CMIP: variants seen among roughly 807,000 people sequenced by gnomAD.
CMIP encodes the protein c-Maf inducing protein.
CMIP carries 13 observed loss-of-function variants against 97.3 expected under a neutral mutation model. The ratio of observed to expected loss-of-function variants is 0.13; its 90% CI spans 0.09 to 0.21. The LOEUF is 0.21. Ranked by LOEUF, CMIP falls within the 10% of genes least tolerant of loss-of-function variation. CMIP has a pLI of 1.00. For missense variants in CMIP, 847 were observed against 1,024.9 expected (o/e 0.83, Z 2.37); for synonymous variants, 538 against 436.3 (o/e 1.23, Z -2.91).
chr16:81,687,244 G>C (rs1905505802), intron 10 of CMIP, among the ~76,000 whole-genome samples: 1 of 152,194 alleles, frequency 6.6e-6, no homozygotes, highest in East Asian at 1.9e-4. Context: ...GCCCAGCATG[G>C]GGGATGCAGA....
chr16:81,548,648 C>T (rs1175335199), intron 1 of CMIP, among the ~76,000 whole-genome samples: 1 of 150,442 alleles, frequency 6.6e-6, no homozygotes, highest in African/African-American at 2.5e-5. Context: ...GGAGACCAGC[C>T]TCAGCAACAT....
chr16:81,659,141 C>G (rs1210464507), intron 5 of CMIP, among the ~76,000 whole-genome samples: 1 of 152,220 alleles, frequency 6.6e-6, no homozygotes, highest in African/African-American at 2.4e-5. Context: ...CTGGGCACCC[C>G]CAATCACTCA....
intron 1 of CMIP, among the ~76,000 whole-genome samples, chr16:81,476,938 C>A (rs781336581): frequency 1.3e-5 from 2 of 152,080 alleles, no homozygotes; most frequent in Non-Finnish European, 2.9e-5. Flanking sequence ...AATGAAAAGA[C>A]CCCAGCCCCA....
intron 1 of CMIP, among the ~76,000 whole-genome samples, chr16:81,600,053 G>A (rs562506402): frequency 6.6e-6 from 1 of 151,992 alleles, no homozygotes; most frequent in African/African-American, 2.4e-5. Context: ...GGCAGAGGTG[G>A]GTGGATCACA....
chr16:81,615,209 CTA>C (rs917755650), intron 2 of CMIP, among the ~76,000 whole-genome samples: 62 of 103,162 alleles, frequency 6.0e-4, no homozygotes, highest in African/African-American at 2.2e-3. Context: ...GCATGTGTAA[CTA>C]TGGTGTGTAT....
At chr16:81,477,307 A>G (rs1907986119) in intron 1 of CMIP, among the ~76,000 whole-genome samples, 1 of 151,944 alleles carries the variant, frequency 6.6e-6, no homozygotes, top group Non-Finnish European at 1.5e-5. Flanking sequence ...AGCTTACACC[A>G]CCACACCCAC....
intron 2 of CMIP, among the ~76,000 whole-genome samples, chr16:81,609,370 C>T (rs892515201): frequency 3.3e-5 from 5 of 152,206 alleles, no homozygotes; most frequent in Admixed American, 6.5e-5. Flanking sequence ...CAGTGCCAGC[C>T]CCCCTCGGCG....
At chr16:81,495,611 C>T (rs2089476141) in intron 1 of CMIP, 6 of 1,078,952 alleles carry the variant, frequency 5.6e-6, no homozygotes, top group Non-Finnish European at 8.2e-6. Flanking sequence ...AGAGGGTGGG[C>T]AGGTGTGTCT....
At chr16:81,466,682 A>T (rs1036842779) in intron 1 of CMIP, among the ~76,000 whole-genome samples, 1 of 152,210 alleles carries the variant, frequency 6.6e-6, no homozygotes, top group African/African-American at 2.4e-5. Flanking sequence ...AATGCCATCC[A>T]ATTGATTGGT....
chr16:81,499,831 G>A (rs1291092000), intron 1 of CMIP, among the ~76,000 whole-genome samples: 1 of 152,252 alleles, frequency 6.6e-6, no homozygotes, highest in African/African-American at 2.4e-5. Context: ...CGCAGTTGTT[G>A]CCTGTGGCAT....
At chr16:81,637,124 G>C (rs2092247318) in intron 3 of CMIP, among the ~76,000 whole-genome samples, 1 of 152,140 alleles carries the variant, frequency 6.6e-6, no homozygotes, top group Admixed American at 6.5e-5. Context: ...ATGCTGGAGT[G>C]CAGTGGCACA....
At position 81,645,499 on chromosome 16, in the gene CMIP, C is replaced by G. The variant is rs973978929; in HGVS notation, c.478-6704C>G. The G allele has an allele frequency of 3.3e-6, 5 of 1,535,522 alleles. No homozygotes were observed. In the South Asian group the frequency reaches 6.0e-5, roughly 18 times the overall value. ...ACATTCCTGCTGACGACTTGTCTCCCGTGGAGGAGCAACAGGCTCTGCTTT... is the reference window on the plus strand; with the variant it reads ...ACATTCCTGCTGACGACTTGTCTCCGGTGGAGGAGCAACAGGCTCTGCTTT... On this transcript the variant is annotated intron_variant, in intron 3 of 20. Transcript: ENST00000537098.
Position 81,691,760 on chromosome 16 carries a change from C to A in CMIP, c.1389-15C>A. On this transcript the variant is annotated splice_polypyrimidine_tract_variant and intron_variant, in intron 10 of 20. Coordinates refer to ENST00000537098, the MANE Select transcript of CMIP (RefSeq NM_198390.3). ...TGTCCCAACCAAAGCTGACTGTCACCCTCTCTCATTCTAGGTCAGACTATG... is the reference window on the plus strand; with the variant it reads ...TGTCCCAACCAAAGCTGACTGTCACACTCTCTCATTCTAGGTCAGACTATG... The A allele has an allele frequency of 1.2e-6, 2 of 1,612,398 alleles. No homozygotes were observed. The highest frequency in any genetic ancestry group is 1.7e-6 in the Non-Finnish European group (2 of 1,178,664).
intron 3 of CMIP, among the ~76,000 whole-genome samples, chr16:81,647,162 G>A (rs940519527): frequency 6.6e-6 from 1 of 152,218 alleles, no homozygotes; most frequent in Non-Finnish European, 1.5e-5. Context: ...GTAGGACGAA[G>A]TCGTATCTCT....
chr16:81,523,842 C>G (rs1255721028), intron 1 of CMIP, among the ~76,000 whole-genome samples: 1 of 152,228 alleles, frequency 6.6e-6, no homozygotes, highest in Non-Finnish European at 1.5e-5. Flanking sequence ...AGCTAGGAGC[C>G]TGGATGTAAC....
At chr16:81,483,528 G>A (rs1003312073) in intron 1 of CMIP, among the ~76,000 whole-genome samples, 1 of 152,072 alleles carries the variant, frequency 6.6e-6, no homozygotes, top group Admixed American at 6.5e-5. Context: ...TCTGAAGACC[G>A]AAGTGCCTCC....
chr16:81,705,681 G>A, intron 19 of CMIP, 77 bp downstream of exon 19: 1 of 947,874 alleles, frequency 1.1e-6, no homozygotes, highest in Non-Finnish European at 1.6e-6. Flanking sequence ...AACTGGCCAA[G>A]CACTGACTTT....
At chr16:81,578,451 A>T (rs2091239528) in intron 1 of CMIP, among the ~76,000 whole-genome samples, 1 of 152,188 alleles carries the variant, frequency 6.6e-6, no homozygotes, top group Non-Finnish European at 1.5e-5. Context: ...TTTGAATTGT[A>T]TACCTGAGCA....
chr16:81,586,158 C>T (rs1397917461), intron 1 of CMIP, among the ~76,000 whole-genome samples: 3 of 152,150 alleles, frequency 2.0e-5, no homozygotes, highest in Admixed American at 2.0e-4. Context: ...CTTGTAGAGA[C>T]AGCCCCGCCC....
Sources: allele counts gnomAD v4.1 joint callset (sites outside exome capture counted in the v4.1 genomes callset), GRCh38; gene constraint gnomAD v4.1.1; transcripts MANE v1.5; gene names NCBI Gene and HGNC (gene_info 2026-07-23, HGNC 2026-07-21).